RPH3A: variants seen among roughly 807,000 people sequenced by gnomAD.
The protein encoded by RPH3A is rabphilin 3A, also known as rabphilin-3A.
RPH3A carries 48 observed loss-of-function variants against 102.2 expected under a neutral mutation model. The observed-to-expected ratio is 0.47, with a 90% CI of 0.37 to 0.60. RPH3A has a LOEUF of 0.60. Among genes scored for constraint, RPH3A ranks in the 20% least tolerant of loss-of-function variants. RPH3A has a pLI of 0.00. For synonymous variants in RPH3A, 310 were observed against 324.3 expected, an observed-to-expected ratio of 0.96 and a Z score of 0.47; for missense variants, 781 against 910.1, an observed-to-expected ratio of 0.86 and a Z score of 1.83.
intron 1 of RPH3A, among the ~76,000 whole-genome samples, chr12:112,772,568 T>C (rs1195698052): frequency 6.6e-6 from 1 of 152,224 alleles, no homozygotes; most frequent in Non-Finnish European, 1.5e-5. Context: ...TTTGTACCAA[T>C]CACCTTTCTT....
intron 1 of RPH3A, among the ~76,000 whole-genome samples, chr12:112,647,717 G>A (rs541594164): frequency 2.6e-5 from 4 of 152,240 alleles, no homozygotes; most frequent in African/African-American, 7.2e-5. Context: ...GATATACATA[G>A]GGGGAAGAGC....
intron 5 of RPH3A, among the ~76,000 whole-genome samples, chr12:112,865,117 G>A (rs2042586125): frequency 6.6e-6 from 1 of 152,176 alleles, no homozygotes; most frequent in Non-Finnish European, 1.5e-5. Context: ...TTAACGCTCA[G>A]AAGGCAGTTT....
chr12:112,655,696 G>A (rs1022480937), intron 1 of RPH3A, among the ~76,000 whole-genome samples: 1 of 144,064 alleles, frequency 6.9e-6, no homozygotes, highest in Admixed American at 7.3e-5. Context: ...TCAGCCTCCC[G>A]ATTAGCTGGG....
chr12:112,706,595 C>T (rs1002225584), intron 1 of RPH3A, among the ~76,000 whole-genome samples: 2 of 152,306 alleles, frequency 1.3e-5, no homozygotes, highest in South Asian at 4.1e-4. Context: ...GGTTTTTACA[C>T]AGAGCCTTGA....
intron 3 of RPH3A, among the ~76,000 whole-genome samples, chr12:112,831,355 C>T (rs1217570058): frequency 1.3e-5 from 2 of 152,084 alleles, no homozygotes; most frequent in East Asian, 3.9e-4. Flanking sequence ...CATGGCTATC[C>T]TTAAAGTGTT....
chr12:112,781,871 G>C (rs2041011466), intron 1 of RPH3A, among the ~76,000 whole-genome samples: 1 of 152,240 alleles, frequency 6.6e-6, no homozygotes, highest in Admixed American at 6.5e-5. Context: ...TGTTCAAAGA[G>C]AGAAGCATCT....
In RPH3A at chr12:112,764,959, T is replaced by C. The variant is rs73423008; in HGVS notation, c.-139-27184T>C. On this transcript the variant is annotated intron_variant, in intron 1 of 21. Coordinates refer to the RPH3A transcript ENST00000543106. ...TTTCCTGGTTGGTGTCTGACTGATA[T>C]TAACTTGTTCCTCAAACTATTAGGA... Among the ~76,000 whole-genome samples the C allele has an allele frequency of 2.9e-3, 443 of 152,318 alleles. 2 individuals are homozygous for C. The highest frequency in any genetic ancestry group is 9.9e-3 in the African/African-American group (412 of 41,554).
intron 1 of RPH3A, among the ~76,000 whole-genome samples, chr12:112,585,194 G>A (rs2039429693): frequency 6.6e-6 from 1 of 152,170 alleles, no homozygotes; most frequent in Non-Finnish European, 1.5e-5. Flanking sequence ...CTAGCCGTGG[G>A]CAGCTGATTA....
At chr12:112,770,361 T>TG (rs2040919482) in intron 1 of RPH3A, among the ~76,000 whole-genome samples, 1 of 152,060 alleles carries the variant, frequency 6.6e-6, no homozygotes, top group Non-Finnish European at 1.5e-5. Flanking sequence ...TGTTTTGTTT[T>TG]TTGAGACAGG....
chr12:112,693,022 G>T (rs1592946620), intron 1 of RPH3A, among the ~76,000 whole-genome samples: 1 of 152,182 alleles, frequency 6.6e-6, no homozygotes, highest in Non-Finnish European at 1.5e-5. Context: ...GGAAGGACTG[G>T]GTGCCATTCA....
At chr12:112,642,548 G>A (rs529120243) in intron 1 of RPH3A, among the ~76,000 whole-genome samples, 2 of 152,262 alleles carry the variant, frequency 1.3e-5, no homozygotes, top group South Asian at 2.1e-4. Flanking sequence ...TATACAATCA[G>A]TATGTGGCAG....
chr12:112,734,310 A>T (rs1334812407), intron 1 of RPH3A, among the ~76,000 whole-genome samples: 1 of 152,220 alleles, frequency 6.6e-6, no homozygotes, highest in Non-Finnish European at 1.5e-5. Flanking sequence ...TCTACCCTAT[A>T]ACCTAAGTGT....
chr12:112,760,627 G>T (rs2040848830), intron 1 of RPH3A, among the ~76,000 whole-genome samples: 1 of 152,190 alleles, frequency 6.6e-6, no homozygotes, highest in South Asian at 2.1e-4. Flanking sequence ...ACTGACTGAG[G>T]CTCTGGGCAA....
chr12:112,736,713 G>T (rs2040672153), intron 1 of RPH3A, among the ~76,000 whole-genome samples: 1 of 152,208 alleles, frequency 6.6e-6, no homozygotes, highest in East Asian at 1.9e-4. Flanking sequence ...AGCTACTGTT[G>T]TTGTTGTTAT....
intron 1 of RPH3A, among the ~76,000 whole-genome samples, chr12:112,727,504 C>CCCCACA (rs1555205006): frequency 1.2e-5 from 1 of 80,944 alleles, no homozygotes; most frequent in African/African-American, 5.0e-5. Flanking sequence ...CCCCCCCCCC[C>CCCCACA]CACACACATA....
intron 1 of RPH3A, among the ~76,000 whole-genome samples, chr12:112,707,572 T>C (rs1483264434): frequency 6.6e-6 from 1 of 152,218 alleles, no homozygotes; most frequent in East Asian, 1.9e-4. Flanking sequence ...TAAATGAGAA[T>C]ATATAGATAC....
At chr12:112,883,457 G>A (rs1593126129) in intron 16 of RPH3A, 55 bp downstream of exon 16, 9 of 1,322,266 alleles carry the variant, frequency 6.8e-6, no homozygotes, top group Admixed American at 1.7e-5. Context: ...CGGGGTGGGT[G>A]GAACTGAGAC....
chr12:112,755,710 G>A lies in RPH3A; in HGVS notation c.-139-36433G>A, dbSNP rs551059911. ...GTAGCTTGCAGCTGAGAGAAGAGCCGCCCTGCTGAGCCCTGCCTTTTCATG... is the reference window on the plus strand; with the variant it reads ...GTAGCTTGCAGCTGAGAGAAGAGCCACCCTGCTGAGCCCTGCCTTTTCATG... On this transcript the variant is annotated intron_variant, in intron 1 of 21. Transcript: ENST00000543106. 9.2e-5 allele frequency among the ~76,000 whole-genome samples: 14 copies of A among 151,970 alleles called. No homozygotes were observed. The East Asian group carries it at 1.2e-3, about 13-fold the overall frequency.
At chr12:112,755,863 TG>T (rs977943666) in intron 1 of RPH3A, among the ~76,000 whole-genome samples, 1 of 152,204 alleles carries the variant, frequency 6.6e-6, no homozygotes, top group Admixed American at 6.5e-5. Flanking sequence ...GCAGCATTAC[TG>T]GGGGAATGCC....
Sources: allele counts gnomAD v4.1 joint callset (sites outside exome capture counted in the v4.1 genomes callset), GRCh38; gene constraint gnomAD v4.1.1; transcripts MANE v1.5; gene names NCBI Gene and HGNC (gene_info 2026-07-23, HGNC 2026-07-21).